Variants in PLCE1 observed in about 807,000 individuals in gnomAD.
PLCE1 encodes the protein phospholipase C epsilon 1, also known as 1-phosphatidylinositol 4,5-bisphosphate phosphodiesterase epsilon-1.
In PLCE1, 119 loss-of-function variants were observed where a neutral mutation model predicts 242.8. The ratio of observed to expected loss-of-function variants is 0.49; its 90% CI spans 0.42 to 0.57. The LOEUF (loss-of-function observed/expected upper bound fraction) is 0.57. Among genes scored for constraint, PLCE1 ranks in the 20% least tolerant of loss-of-function variants. The pLI is 0.00. For synonymous variants in PLCE1, 945 were observed against 1,017.4 expected (o/e 0.93, Z 1.35); for missense variants, 2,441 against 2,788.8 (o/e 0.88, Z 2.81).
intron 1 of PLCE1, among the ~76,000 whole-genome samples, chr10:94,026,146 C>A (rs2134430987): frequency 6.6e-6 from 1 of 152,224 alleles, no homozygotes; most frequent in East Asian, 1.9e-4. Context: ...GGCCCATAGT[C>A]CCCTCTCCTG....
intron 2 of PLCE1, among the ~76,000 whole-genome samples, chr10:94,050,742 G>A (rs1259840377): frequency 1.3e-5 from 2 of 152,080 alleles, no homozygotes; most frequent in African/African-American, 4.8e-5. Context: ...TAGCACATAT[G>A]AATTAAGAGA....
intron 2 of PLCE1, among the ~76,000 whole-genome samples, chr10:94,075,559 G>C (rs1375318242): frequency 6.6e-6 from 1 of 152,206 alleles, no homozygotes; most frequent in Non-Finnish European, 1.5e-5. Flanking sequence ...TACAGTAAAA[G>C]TGACATTGGG....
At chr10:94,212,320 C>G (rs977031467) in intron 4 of PLCE1, among the ~76,000 whole-genome samples, 2 of 152,028 alleles carry the variant, frequency 1.3e-5, no homozygotes, top group Non-Finnish European at 2.9e-5. Context: ...GCAGTGGTGC[C>G]ATCTCAGCTC....
Position 94,329,789 on chromosome 10 carries a change from A to AAAC in PLCE1, c.*1848_*1849insCAA, listed in dbSNP as rs2054135951. On this transcript the variant is annotated 3_prime_UTR_variant, in exon 33 of 33. Coordinates refer to ENST00000371380, the MANE Select transcript of PLCE1 (RefSeq NM_016341.4). Reference sequence around the variant, plus strand: ...GAGACTCCGTCTCAAAAAAAAAAAAAAAAAAAAAAAAAAAAAAAAAAACAC... The same window carrying AAAC: ...GAGACTCCGTCTCAAAAAAAAAAAAAAACAAAAAAAAAAAAAAAAAAAAAACAC... The AAAC allele has an allele frequency of 3.2e-5, 4 of 124,950 alleles. No homozygotes were observed. The highest frequency in any genetic ancestry group is 7.1e-5 in the Non-Finnish European group (4 of 56,374). 7.7% of individuals were successfully genotyped at this position (124,950 alleles called of 1,614,324 possible). A position where few individuals can be genotyped will look rare whatever the true frequency, so the allele number is the denominator to read the frequency against.
Position 94,023,264 on chromosome 10 carries a change from A to G in PLCE1, c.-364-7419A>G, listed in dbSNP as rs183373061. Among the ~76,000 whole-genome samples, 178 of 152,292 alleles carry G rather than the reference A, an allele frequency of 1.2e-3. 1 individual carries two copies. The highest frequency in any genetic ancestry group is 4.0e-3 in the African/African-American group (168 of 41,574). ...AATAAATTGCACAAAATCCAATGTG[A>G]CTGCATAACTCTTCTTTGGGGGTTG... On this transcript the variant is annotated intron_variant, in intron 1 of 32. Transcript: ENST00000371380.
At chr10:94,024,667 G>A (rs2061427385) in intron 1 of PLCE1, among the ~76,000 whole-genome samples, 1 of 151,936 alleles carries the variant, frequency 6.6e-6, no homozygotes, top group Non-Finnish European at 1.5e-5. Flanking sequence ...TTTTGTTATT[G>A]TTGTTAAGTC....
At position 94,283,473 on chromosome 10, in the gene PLCE1, AC is replaced by A. The variant is rs141889231; in HGVS notation, c.4796-316del. ...ACGGGGTATCTTCCATAATATTTGC[AC>A]AGTTCCAATCATCTGTATGAAAATT... On this transcript the variant is annotated intron_variant, in intron 20 of 32. Transcript: ENST00000371380. 1.2e-3 allele frequency: 403 copies of A among 333,764 alleles called. 3 individuals carry two copies. Among genetic ancestry groups the A allele is most frequent in the African/African-American group, 8.2e-3 (380 of 46,434 alleles). 20.7% of individuals were successfully genotyped at this position (333,764 alleles called of 1,614,324 possible).
rs533819417 is a variant in PLCE1 at position 94,115,590 on chromosome 10, C to T, written c.1207-16584C>T. 1.8e-4 allele frequency among the ~76,000 whole-genome samples: 27 copies of T among 152,314 alleles called. No individual in the cohort carries two copies. In the East Asian group the frequency reaches 5.0e-3, roughly 28 times the overall value. On this transcript the variant is annotated intron_variant, in intron 2 of 32. Coordinates refer to ENST00000371380, the MANE Select transcript of PLCE1 (RefSeq NM_016341.4). Reference sequence around the variant, plus strand: ...CTTCTGAGAAGTGTCTGTTCATATCCTTCGCCCACTTGTTGATGAGGTTGT... The same window carrying T: ...CTTCTGAGAAGTGTCTGTTCATATCTTTCGCCCACTTGTTGATGAGGTTGT...
chr10:94,138,033 G>T, intron 3 of PLCE1: 1 of 379,214 alleles, frequency 2.6e-6, no homozygotes. Context: ...GGTGAGGACT[G>T]TCCAGTATTT....
chr10:94,087,659 C>T (rs990982435), intron 2 of PLCE1, among the ~76,000 whole-genome samples: 25 of 152,022 alleles, frequency 1.6e-4, no homozygotes, highest in African/African-American at 5.8e-4. Flanking sequence ...CCCAGGAAGG[C>T]CTTGAACTCC....
chr10:94,162,526 T>A (rs1235305039), intron 3 of PLCE1, among the ~76,000 whole-genome samples: 1 of 152,176 alleles, frequency 6.6e-6, no homozygotes, highest in Non-Finnish European at 1.5e-5. Flanking sequence ...TTTTATTGCG[T>A]CTATTTGATT....
intron 23 of PLCE1, among the ~76,000 whole-genome samples, chr10:94,297,590 T>TAAAAAAAAAAAAAAAA (rs71031568): frequency 7.1e-5 from 4 of 56,578 alleles, no homozygotes; most frequent in East Asian, 5.6e-4. Flanking sequence ...TTTAAATTTG[T>TAAAAAAAAAAAAAAAA]AAAAAAAAAA....
rs1378903754 is a variant in PLCE1, at chr10:94,246,505, A to G, written c.2980A>G (p.Thr994Ala). 1 of 1,614,064 alleles carries G rather than the reference A, an allele frequency of 6.2e-7. No homozygotes were observed. Among genetic ancestry groups the G allele is most frequent in the Non-Finnish European group, 8.5e-7 (1 of 1,180,006 alleles). Residue 994 changes from threonine (T) to alanine (A), a missense_variant, in exon 8 of 33, where the codon ACA becomes GCA. By Grantham distance (58) the Thr-to-Ala change is moderately conservative. Around this residue, in one of 5 missense-constraint regions of PLCE1, gnomAD observed 1,004 missense variants for 1,322.7 expected, o/e 0.76. Coordinates refer to ENST00000371380, the MANE Select transcript of PLCE1 (RefSeq NM_016341.4). The stretch of plus-strand genomic sequence containing the variant: ...ATTGCACTTCGTGGCACCAAAGCAC[A>G]CAGCTAAAATGCTCTTCAGCGGATT... ...RLLHFVAPKHTAKMLFSGLLE... is the reference protein window; with the variant it reads ...RLLHFVAPKHAAKMLFSGLLE...
chr10:94,271,063 T>G lies in PLCE1; in HGVS notation c.4506+461T>G, dbSNP rs1418863433. ...GTTAGGGTCCCACAAACCTGAGAAA[T>G]TGGGCTGTTCTTAGAGCCTGGGCCC... On this transcript the variant is annotated intron_variant, in intron 18 of 32. Coordinates refer to ENST00000371380, the MANE Select transcript of PLCE1 (RefSeq NM_016341.4). Among the ~76,000 whole-genome samples the G allele has an allele frequency of 2.6e-5, 4 of 152,000 alleles. No individual in the cohort carries two copies. The East Asian group carries it at 7.7e-4, about 29-fold the overall frequency.
intron 4 of PLCE1, among the ~76,000 whole-genome samples, chr10:94,223,398 G>A (rs1178120898): frequency 1.3e-5 from 2 of 152,056 alleles, no homozygotes; most frequent in Admixed American, 1.3e-4. Flanking sequence ...GGGGCCTGGT[G>A]GGCCAAAGTA....
intron 3 of PLCE1, among the ~76,000 whole-genome samples, chr10:94,168,776 G>C (rs1456085513): frequency 6.6e-6 from 1 of 152,118 alleles, no homozygotes; most frequent in Non-Finnish European, 1.5e-5. Context: ...TCTGCAGAGT[G>C]CTATAGTTCG....
At chr10:94,294,133 A>T (rs2052730568) in intron 23 of PLCE1, among the ~76,000 whole-genome samples, 6 of 152,282 alleles carry the variant, frequency 3.9e-5, no homozygotes, top group South Asian at 4.2e-4. Context: ...ATTAAAAAAT[A>T]AAAATAACAT....
chr10:94,132,906 C>T (rs548921246), intron 3 of PLCE1, among the ~76,000 whole-genome samples: 18 of 145,816 alleles, frequency 1.2e-4, no homozygotes, highest in Non-Finnish European at 2.7e-4. Flanking sequence ...GCCGAGCTCA[C>T]GCCACTGCAC....
At chr10:94,003,502 C>T (rs1038714281) in intron 1 of PLCE1, among the ~76,000 whole-genome samples, 1 of 152,178 alleles carries the variant, frequency 6.6e-6, no homozygotes, top group Non-Finnish European at 1.5e-5. Flanking sequence ...TCAGTTGTAT[C>T]TCTAAAATAG....
Sources: gnomAD v4.1 joint callset for allele counts (sites outside exome capture counted in the v4.1 genomes callset) on GRCh38, gnomAD v4.1.1 for gene constraint, gnomAD v4.1.1 regional missense constraint, MANE v1.5 for transcripts, NCBI Gene and HGNC (gene_info 2026-07-23, HGNC 2026-07-21) for gene names.